Variants in EIPR1 observed in about 807,000 individuals in gnomAD.
EIPR1 encodes the protein EARP and GARP complex-interacting protein 1.
EIPR1 carries 25 observed loss-of-function variants against 48.1 expected under a neutral mutation model. That is an observed-to-expected ratio of 0.52 (90% confidence interval 0.38 to 0.73). The LOEUF (loss-of-function observed/expected upper bound fraction) is 0.73. Ranked by LOEUF, EIPR1 falls within the 30% of genes least tolerant of loss-of-function variation. EIPR1 has a pLI of 0.00. For missense variants in EIPR1, 415 were observed against 506.2 expected, an observed-to-expected ratio of 0.82 and a Z score of 1.73; for synonymous variants, 204 against 201.9, an observed-to-expected ratio of 1.01 and a Z score of -0.09.
At chr2:3,209,429 G>C (rs762389029) in intron 5 of EIPR1, among the ~76,000 whole-genome samples, 1 of 152,202 alleles carries the variant, frequency 6.6e-6, no homozygotes, top group African/African-American at 2.4e-5. Flanking sequence ...AGGGAAGCTC[G>C]GACTCCGTGT....
At chr2:3,293,546 G>A (rs1216119012) in intron 3 of EIPR1, among the ~76,000 whole-genome samples, 4 of 152,310 alleles carry the variant, frequency 2.6e-5, no homozygotes, top group South Asian at 2.1e-4. Flanking sequence ...CTTCAAAGAC[G>A]GGCCCATCAG....
At chr2:3,303,792 G>A (rs2103297198) in intron 3 of EIPR1, among the ~76,000 whole-genome samples, 1 of 152,254 alleles carries the variant, frequency 6.6e-6, no homozygotes, top group African/African-American at 2.4e-5. Context: ...GCCCTCTGCT[G>A]GCAGACGGCG....
chr2:3,194,856 C>T (rs1345966238), intron 6 of EIPR1, among the ~76,000 whole-genome samples: 1 of 152,184 alleles, frequency 6.6e-6, no homozygotes, highest in Non-Finnish European at 1.5e-5. Flanking sequence ...ACTGTCCACA[C>T]CAGCTCCAGG....
intron 3 of EIPR1, among the ~76,000 whole-genome samples, chr2:3,291,548 T>C (rs1315659023): frequency 3.3e-5 from 5 of 152,176 alleles, no homozygotes; most frequent in Non-Finnish European, 7.3e-5. Flanking sequence ...AAAGATAGTT[T>C]TATCTAAACA....
intron 2 of EIPR1, among the ~76,000 whole-genome samples, chr2:3,341,418 G>T (rs1670244200): frequency 1.3e-5 from 2 of 152,064 alleles, no homozygotes; most frequent in Non-Finnish European, 2.9e-5. Flanking sequence ...GTGCATGCAG[G>T]TGTGCACCTG....
At chr2:3,302,581 G>A (rs80274430) in intron 3 of EIPR1, among the ~76,000 whole-genome samples, 7,476 of 152,296 alleles carry the variant, frequency 0.049, 603 homozygotes, top group African/African-American at 0.17. Context: ...GGTGGATGGC[G>A]ACAGGCCGGA....
chr2:3,309,672 G>A (rs576703727), intron 3 of EIPR1, among the ~76,000 whole-genome samples: 1 of 152,260 alleles, frequency 6.6e-6, no homozygotes, highest in South Asian at 2.1e-4. Context: ...GGCGAGGGAG[G>A]TGGGAGTGGA....
intron 5 of EIPR1, chr2:3,208,820 C>T (rs1302020081): frequency 6.5e-7 from 1 of 1,549,988 alleles, no homozygotes; most frequent in African/African-American, 1.4e-5. Flanking sequence ...TGAGTGAGGC[C>T]CGTGGCAGGT....
intron 4 of EIPR1, among the ~76,000 whole-genome samples, chr2:3,215,724 T>C (rs1257702355): frequency 6.6e-6 from 1 of 152,240 alleles, no homozygotes; most frequent in Non-Finnish European, 1.5e-5. Context: ...TATGGATTGA[T>C]TGGGGGCACC....
intron 3 of EIPR1, chr2:3,261,710 C>T (rs965758833): frequency 1.3e-5 from 2 of 152,258 alleles, no homozygotes; most frequent in Admixed American, 6.5e-5. Context: ...CAGGGCCTGG[C>T]TTACCGCAGA....
Position 3,249,038 on chromosome 2 carries a change from T to A in EIPR1, c.416+8261A>T, listed in dbSNP as rs1441258813. On this transcript the variant is annotated intron_variant, in intron 4 of 8. Coordinates refer to ENST00000382125, the MANE Select transcript of EIPR1 (RefSeq NM_003310.5). ...TACAAAAATGGACTAACACATTAAATAGGTACTGAGGAGGGGAGCATTGCT... is the reference window on the plus strand; with the variant it reads ...TACAAAAATGGACTAACACATTAAAAAGGTACTGAGGAGGGGAGCATTGCT... Among the ~76,000 whole-genome samples the A allele has an allele frequency of 3.3e-5, 5 of 152,144 alleles. No individual in the cohort carries two copies. The East Asian group carries it at 9.6e-4, about 29-fold the overall frequency.
chr2:3,314,363 A>G (rs1669220744), intron 3 of EIPR1, among the ~76,000 whole-genome samples: 1 of 152,150 alleles, frequency 6.6e-6, no homozygotes, highest in South Asian at 2.1e-4. Flanking sequence ...CAGGCTTCAC[A>G]GTCCTAATTT....
chr2:3,218,940 T>C (rs894823670), intron 4 of EIPR1, among the ~76,000 whole-genome samples: 1 of 149,816 alleles, frequency 6.7e-6, no homozygotes, highest in Non-Finnish European at 1.5e-5. Context: ...GCATTCACAG[T>C]GAGTCAGGTG....
At position 3,373,948 on chromosome 2, in the gene EIPR1, T is replaced by G. The variant is rs1326405982; in HGVS notation, c.42+3700A>C. 1.8e-4 allele frequency among the ~76,000 whole-genome samples: 27 copies of G among 151,194 alleles called. No individual in the cohort carries two copies. The East Asian group carries it at 4.7e-3, about 26-fold the overall frequency. On this transcript the variant is annotated intron_variant, in intron 1 of 8. Transcript: ENST00000382125. ...CAATCCTAAGCCAAAAGAACAAAGCTGGAGGCATCACGCTACCTGACTTCA... is the reference window on the plus strand; with the variant it reads ...CAATCCTAAGCCAAAAGAACAAAGCGGGAGGCATCACGCTACCTGACTTCA...
At chr2:3,260,573 CA>C (rs1558257800) in intron 3 of EIPR1, among the ~76,000 whole-genome samples, 1 of 150,420 alleles carries the variant, frequency 6.6e-6, no homozygotes, top group African/African-American at 2.5e-5. Context: ...AGAAAGAAAA[CA>C]AAAGAAAAGA....
At chr2:3,249,132 G>A (rs1430862524) in intron 4 of EIPR1, among the ~76,000 whole-genome samples, 1 of 152,208 alleles carries the variant, frequency 6.6e-6, no homozygotes, top group African/African-American at 2.4e-5. Flanking sequence ...GGAATTTGGA[G>A]GGCTCAGAAA....
intron 4 of EIPR1, among the ~76,000 whole-genome samples, chr2:3,253,600 G>A (rs548528092): frequency 6.0e-4 from 92 of 152,272 alleles, no homozygotes; most frequent in African/African-American, 2.1e-3. Flanking sequence ...ACGAGAAACC[G>A]GACTCAGTAC....
chr2:3,327,536 T>C (rs570656414), intron 3 of EIPR1, among the ~76,000 whole-genome samples: 9 of 152,344 alleles, frequency 5.9e-5, no homozygotes, highest in South Asian at 2.1e-4. Context: ...TGCAACATGA[T>C]GCTGAGATAG....
At chr2:3,284,999 C>T (rs1285305604) in intron 3 of EIPR1, among the ~76,000 whole-genome samples, 3 of 152,156 alleles carry the variant, frequency 2.0e-5, no homozygotes, top group Non-Finnish European at 4.4e-5. Context: ...CAGCATTGTA[C>T]AAGGGCAAGA....
Sources: allele counts gnomAD v4.1 joint callset (sites outside exome capture counted in the v4.1 genomes callset), GRCh38; gene constraint gnomAD v4.1.1; transcripts MANE v1.5; gene names NCBI Gene and HGNC (gene_info 2026-07-23, HGNC 2026-07-21).